CDKL1: variants seen among roughly 807,000 people sequenced by gnomAD.
CDKL1 encodes the protein cyclin-dependent kinase-like 1.
Under a neutral mutation model 42.0 loss-of-function variants are expected in CDKL1, and 41 were observed. The observed-to-expected ratio is 0.98, with a 90% CI of 0.76 to 1.27. CDKL1 has a LOEUF of 1.27. Ranked by LOEUF, CDKL1 falls within the 50% of genes most tolerant of loss-of-function variation. The probability of loss-of-function intolerance (pLI) is 0.00; values close to 1 mark genes in which losing one functional copy is unlikely to be tolerated. For synonymous variants in CDKL1, 153 were observed against 158.6 expected (o/e 0.96, Z 0.26); for missense variants, 394 against 428.4 (o/e 0.92, Z 0.71).
rs555068519 is a variant in CDKL1 at position 50,327,459 on chromosome 14, CTTTTTTTTTTTTT to C, written c.*2602_*2614del. The C allele has an allele frequency of 0.013, 1,020 of 77,422 alleles. 15 individuals carry two copies. Among genetic ancestry groups the C allele is most frequent in the Non-Finnish European group, 0.016 (657 of 41,342 alleles). The allele number at this position is 77,422 out of a possible 1,614,324, so 4.8% of individuals were successfully genotyped here. ...TAGATTTCTGTGTGTTTGATTTGAA[CTTTTTTTTTTTTT>C]TTTTTTTTTTTGAGACAGACTCTCA... On this transcript the variant is annotated 3_prime_UTR_variant, in exon 10 of 10. Transcript: ENST00000395834.
At chr14:50,332,188 C>T (rs1390884199) in intron 9 of CDKL1, 74 bp downstream of exon 9, 1 of 1,614,130 alleles carries the variant, frequency 6.2e-7, no homozygotes, top group Non-Finnish European at 8.5e-7. Context: ...CTGAAAGCCA[C>T]AACTGCCATC....
intron 3 of CDKL1, among the ~76,000 whole-genome samples, chr14:50,348,513 C>T (rs1473815206): frequency 6.6e-6 from 1 of 152,112 alleles, no homozygotes; most frequent in Non-Finnish European, 1.5e-5. Flanking sequence ...GCTGGGATTC[C>T]CCACCCCTCT....
chr14:50,332,705 GAT>G, intron 8 of CDKL1: 1 of 1,531,450 alleles, frequency 6.5e-7, no homozygotes, highest in Non-Finnish European at 8.7e-7. Context: ...GGGAGAGTAA[GAT>G]ATAATTTTAG....
At chr14:50,378,210 G>A (rs1468385327) in intron 2 of CDKL1, 3 of 1,366,272 alleles carry the variant, frequency 2.2e-6, no homozygotes, top group African/African-American at 3.0e-5. Context: ...CATGATGCAG[G>A]TGCCTCCTTA....
At chr14:50,341,300 C>G in intron 5 of CDKL1, 68 bp from the exon 6 acceptor site, 1 of 1,515,260 alleles carries the variant, frequency 6.6e-7, no homozygotes, top group South Asian at 1.3e-5. Context: ...AGGGGGAGAT[C>G]TCAGAAGTCA....
chr14:50,341,225 C>T lies in CDKL1; in HGVS notation c.462G>A (p.Pro154=), dbSNP rs775429312. 2.3e-5 allele frequency: 36 copies of T among 1,599,334 alleles called. 1 individual carries two copies. Among genetic ancestry groups the T allele is most frequent in the Non-Finnish European group, 2.6e-5 (30 of 1,169,966 alleles). The change falls in exon 6 of 10, where the codon CCG becomes CCA. Residue 154 remains proline, a synonymous_variant. Coordinates refer to ENST00000395834, the MANE Select transcript of CDKL1 (RefSeq NM_004196.7). ...CCACGTAGTCTGTATAGTAGTCACT[C>T]GGTCCAGCTAGCCAGTGATGGAACA... The part of the protein sequence containing the change: ...DFGFARLLTG[P]SDYYTDYVAT...
chr14:50,344,122 G>T (rs991419055), intron 4 of CDKL1, among the ~76,000 whole-genome samples: 1 of 152,194 alleles, frequency 6.6e-6, no homozygotes, highest in African/African-American at 2.4e-5. Context: ...GGGGCAGCAG[G>T]CTTCCCAGCA....
At chr14:50,376,555 A>G (rs2034736960) in intron 2 of CDKL1, 1 of 223,988 alleles carries the variant, frequency 4.5e-6, no homozygotes, top group Admixed American at 5.2e-5. Context: ...ATAGAGGCCT[A>G]TCTATTGGCT....
intron 2 of CDKL1, among the ~76,000 whole-genome samples, chr14:50,364,359 C>A (rs975496637): frequency 2.0e-5 from 3 of 152,192 alleles, no homozygotes; most frequent in Non-Finnish European, 1.5e-5. Flanking sequence ...ATCCCAGCTA[C>A]TCGGGAGACT....
intron 4 of CDKL1, among the ~76,000 whole-genome samples, chr14:50,344,385 G>C (rs1194441086): frequency 6.6e-6 from 1 of 151,962 alleles, no homozygotes; most frequent in African/African-American, 2.4e-5. Context: ...AGACCACATA[G>C]ACTCCAAGTG....
At chr14:50,359,532 A>G (rs1441244289) in intron 2 of CDKL1, among the ~76,000 whole-genome samples, 1 of 151,908 alleles carries the variant, frequency 6.6e-6, no homozygotes, top group Non-Finnish European at 1.5e-5. Flanking sequence ...CTGAAGTATG[A>G]CTCTTTCAGA....
At chr14:50,342,347 C>T in intron 4 of CDKL1, 125 bp from the exon 5 acceptor site, 3 of 1,458,380 alleles carry the variant, frequency 2.1e-6, no homozygotes, top group Non-Finnish European at 2.7e-6. Context: ...TGTTGGACAA[C>T]AGCAAAAGAG....
intron 2 of CDKL1, among the ~76,000 whole-genome samples, chr14:50,393,147 G>A (rs757779814): frequency 7.9e-5 from 12 of 152,044 alleles, no homozygotes; most frequent in Non-Finnish European, 1.3e-4. Context: ...CTCATTCCAC[G>A]TTTCCCTAAA....
At chr14:50,366,733 TGG>T (rs2034446203) in intron 2 of CDKL1, among the ~76,000 whole-genome samples, 3 of 151,244 alleles carry the variant, frequency 2.0e-5, no homozygotes, top group African/African-American at 7.4e-5. Flanking sequence ...AGTCCGGATG[TGG>T]TGATCGGCTG....
At chr14:50,367,306 C>T (rs1179957073) in intron 2 of CDKL1, among the ~76,000 whole-genome samples, 2 of 152,140 alleles carry the variant, frequency 1.3e-5, no homozygotes, top group African/African-American at 2.4e-5. Flanking sequence ...GAAACGGTAT[C>T]GGTGCAGTGG....
In CDKL1 at chr14:50,336,343, G is replaced by C. The variant is rs2033276232; in HGVS notation, c.739-1722C>G. 22 of 993,360 alleles carry C rather than the reference G, an allele frequency of 2.2e-5. 1 individual carries two copies. The South Asian group carries it at 3.5e-4, about 16-fold the overall frequency. The allele number at this position is 993,360 out of a possible 1,614,324, so 61.5% of individuals were successfully genotyped here. A position where few individuals can be genotyped will look rare whatever the true frequency, so the allele number is the denominator to read the frequency against. On this transcript the variant is annotated intron_variant, in intron 7 of 9. Coordinates refer to ENST00000395834, the MANE Select transcript of CDKL1 (RefSeq NM_004196.7). ...GAAGCTTCTTACATTTATGAAACCT[G>C]GGTTATTTCTGAGGCTTCACCAACA...
chr14:50,329,987 T>G lies in CDKL1; in HGVS notation c.*87A>C. On this transcript the variant is annotated 3_prime_UTR_variant, in exon 10 of 10. Coordinates refer to ENST00000395834, the MANE Select transcript of CDKL1 (RefSeq NM_004196.7). ...TTTTCTCCTGGTGTGTTTTCAACAT[T>G]GTAATTGTTTTCAATCAACTGTATA... The G allele has an allele frequency of 6.8e-7, 1 of 1,471,932 alleles. No homozygotes were observed. Among genetic ancestry groups the G allele is most frequent in the South Asian group, 1.3e-5 (1 of 76,282 alleles). 91.2% of individuals were successfully genotyped at this position (1,471,932 alleles called of 1,614,324 possible).
Position 50,328,870 on chromosome 14 carries a change from C to G in CDKL1, c.*1204G>C, listed in dbSNP as rs941225416. 6.6e-6 allele frequency: 1 copy of G among 151,216 alleles called. No homozygotes were observed. The highest frequency in any genetic ancestry group is 1.5e-5 in the Non-Finnish European group (1 of 67,904). 9.4% of individuals were successfully genotyped at this position (151,216 alleles called of 1,614,324 possible). On this transcript the variant is annotated 3_prime_UTR_variant, in exon 10 of 10. Coordinates refer to ENST00000395834, the MANE Select transcript of CDKL1 (RefSeq NM_004196.7). ...TAGCCAGTATAGTGGCACATGCCTG[C>G]AGTCCCAGCTACTTGGGAGGCTGAG...
intron 3 of CDKL1, among the ~76,000 whole-genome samples, chr14:50,345,470 C>T (rs570245690): frequency 6.6e-5 from 10 of 152,208 alleles, no homozygotes; most frequent in African/African-American, 2.4e-4. Context: ...CTCAAGTTGC[C>T]CCAAACAGAC....
Sources: allele counts gnomAD v4.1 joint callset (sites outside exome capture counted in the v4.1 genomes callset), GRCh38; gene constraint gnomAD v4.1.1; transcripts MANE v1.5; gene names NCBI Gene and HGNC (gene_info 2026-07-23, HGNC 2026-07-21).